Variants in CYP2C19 observed in about 807,000 individuals in gnomAD.
CYP2C19 encodes cytochrome P450 family 2 subfamily C member 19.
A neutral mutation model predicts 40.9 loss-of-function variants in CYP2C19; 59 were observed. The ratio of observed to expected loss-of-function variants is 1.44; its 90% CI spans 1.17 to 1.79. The LOEUF (loss-of-function observed/expected upper bound fraction) is 1.79, where lower values mean the gene tolerates loss of function less well. Among genes scored for constraint, CYP2C19 ranks in the 40% most tolerant of loss-of-function variants. The pLI is 0.00. For missense variants in CYP2C19, 754 were observed against 596.9 expected, an observed-to-expected ratio of 1.26 and a Z score of -2.74; for synonymous variants, 253 against 208.7, an observed-to-expected ratio of 1.21 and a Z score of -1.83.
At chr10:94,827,201 C>G (rs923879907) in intron 6 of CYP2C19, among the ~76,000 whole-genome samples, 17 of 151,832 alleles carry the variant, frequency 1.1e-4, no homozygotes, top group Non-Finnish European at 1.8e-4. Flanking sequence ...AGGATTCCCT[C>G]TTTTTCTATT....
chr10:94,770,493 C>T (rs1848313520), intron 1 of CYP2C19, among the ~76,000 whole-genome samples: 2 of 152,050 alleles, frequency 1.3e-5, no homozygotes, highest in South Asian at 4.1e-4. Flanking sequence ...TCCTTTTGGG[C>T]CTGTTCCTCT....
chr10:94,846,150 C>T (rs554195008), intron 7 of CYP2C19, among the ~76,000 whole-genome samples: 5 of 152,036 alleles, frequency 3.3e-5, no homozygotes, highest in Non-Finnish European at 5.9e-5. Flanking sequence ...AAGAAACAGG[C>T]ACATAATTCG....
At chr10:94,828,405 T>C (rs533904071) in intron 6 of CYP2C19, among the ~76,000 whole-genome samples, 130 of 150,808 alleles carry the variant, frequency 8.6e-4, no homozygotes, top group Admixed American at 2.3e-3. Flanking sequence ...TTGATCCCTT[T>C]ACCATTATGT....
At chr10:94,835,759 A>G (rs1268744743) in intron 6 of CYP2C19, among the ~76,000 whole-genome samples, 1 of 152,058 alleles carries the variant, frequency 6.6e-6, no homozygotes, top group East Asian at 1.9e-4. Flanking sequence ...AGGTAAGCAT[A>G]CTTAGATCTG....
At chr10:94,824,800 TC>T (rs1341977594) in intron 6 of CYP2C19, among the ~76,000 whole-genome samples, 1 of 89,142 alleles carries the variant, frequency 1.1e-5, no homozygotes, top group African/African-American at 4.4e-5. Flanking sequence ...ATGCTATCCC[TC>T]CCCCCTCCCC....
intron 3 of CYP2C19, chr10:94,775,789 C>T (rs1848400079): frequency 1.8e-6 from 1 of 565,578 alleles, no homozygotes; most frequent in East Asian, 3.0e-5. Flanking sequence ...AACTTTGCTT[C>T]TTTGTTTTCA....
intron 5 of CYP2C19, among the ~76,000 whole-genome samples, chr10:94,795,470 G>A (rs1435440983): frequency 6.6e-6 from 1 of 152,048 alleles, no homozygotes; most frequent in Admixed American, 6.5e-5. Context: ...ATGTACATGT[G>A]CATGTGTCTT....
chr10:94,836,996 A>T (rs917060593), intron 6 of CYP2C19, among the ~76,000 whole-genome samples: 5 of 152,170 alleles, frequency 3.3e-5, no homozygotes, highest in Admixed American at 2.6e-4. Flanking sequence ...TGGGTTTCAA[A>T]GATCTTCAAA....
intron 8 of CYP2C19, among the ~76,000 whole-genome samples, chr10:94,851,994 C>T (rs920268949): frequency 6.6e-6 from 1 of 152,158 alleles, no homozygotes; most frequent in Non-Finnish European, 1.5e-5. Flanking sequence ...AAAATTTGAC[C>T]TATGTCCTGA....
In CYP2C19 at chr10:94,814,104, T is replaced by A. The variant is rs371404490; in HGVS notation, c.820-6392T>A. On this transcript the variant is annotated intron_variant, in intron 5 of 8. Coordinates refer to ENST00000371321, the MANE Select transcript of CYP2C19 (RefSeq NM_000769.4). ...CCTCCCTGCTTCAGTTTAGCCTCCATGCACTGCACCTACTGTCTAAACATT... is the reference window on the plus strand; with the variant it reads ...CCTCCCTGCTTCAGTTTAGCCTCCAAGCACTGCACCTACTGTCTAAACATT... Among the ~76,000 whole-genome samples the A allele has an allele frequency of 2.4e-3, 369 of 151,384 alleles. 2 individuals are homozygous for A. Among genetic ancestry groups the A allele is most frequent in the African/African-American group, 7.8e-3 (322 of 41,228 alleles).
intron 5 of CYP2C19, among the ~76,000 whole-genome samples, chr10:94,790,320 A>G (rs9663112): frequency 1.3e-5 from 2 of 152,026 alleles, no homozygotes; most frequent in African/African-American, 4.8e-5. Flanking sequence ...CTCTTTTCCT[A>G]ATTGAATACC....
At chr10:94,829,973 C>T (rs1170024957) in intron 6 of CYP2C19, among the ~76,000 whole-genome samples, 1 of 152,232 alleles carries the variant, frequency 6.6e-6, no homozygotes, top group East Asian at 1.9e-4. Context: ...GCTCAGGGGT[C>T]AGGGGTCAGG....
chr10:94,819,175 T>C (rs1849069326), intron 5 of CYP2C19, among the ~76,000 whole-genome samples: 3 of 147,196 alleles, frequency 2.0e-5, no homozygotes, highest in Non-Finnish European at 4.5e-5. Context: ...GAAATAAAGA[T>C]GTTCTTTGAA....
chr10:94,820,580 A>T lies in CYP2C19; in HGVS notation c.904A>T (p.Thr302Ser). The change falls in exon 6 of 9, where the codon ACA becomes TCA. Residue 302 changes from threonine to serine, a missense_variant. Coordinates refer to ENST00000371321, the MANE Select transcript of CYP2C19 (RefSeq NM_000769.4). ...CTTACTTGGAGCTGGGACAGAGACAACAAGCACAACCCTGAGATATGCTCT... is the reference window on the plus strand; with the variant it reads ...CTTACTTGGAGCTGGGACAGAGACATCAAGCACAACCCTGAGATATGCTCT... ...ADLLGAGTET[T>S]STTLRYALLL... The T allele has an allele frequency of 6.2e-7, 1 of 1,614,234 alleles. No individual in the cohort carries two copies. Among genetic ancestry groups the T allele is most frequent in the South Asian group, 1.1e-5 (1 of 91,084 alleles).
At chr10:94,840,847 C>A (rs1849484079) in intron 6 of CYP2C19, among the ~76,000 whole-genome samples, 1 of 152,214 alleles carries the variant, frequency 6.6e-6, no homozygotes, top group Non-Finnish European at 1.5e-5. Context: ...CCCAGATAAC[C>A]TTACACCTGA....
At chr10:94,776,326 A>C (rs1296128827) in intron 3 of CYP2C19, 1 of 152,144 alleles carries the variant, frequency 6.6e-6, no homozygotes, top group Non-Finnish European at 1.5e-5. Flanking sequence ...CATTTTGCTT[A>C]TCTCTTTCCA....
intron 5 of CYP2C19, among the ~76,000 whole-genome samples, chr10:94,794,789 T>G (rs1199461112): frequency 3.3e-5 from 5 of 152,070 alleles, no homozygotes; most frequent in Non-Finnish European, 7.4e-5. Flanking sequence ...CTTATCAGCT[T>G]AAGGAGATTT....
At chr10:94,785,442 T>C (rs1848528960) in intron 5 of CYP2C19, among the ~76,000 whole-genome samples, 1 of 152,172 alleles carries the variant, frequency 6.6e-6, no homozygotes, top group African/African-American at 2.4e-5. Flanking sequence ...CTGAATGGTC[T>C]AGGCACCCTT....
At chr10:94,816,092 A>AT (rs34737722) in intron 5 of CYP2C19, among the ~76,000 whole-genome samples, 174 of 151,696 alleles carry the variant, frequency 1.1e-3, no homozygotes, top group Middle Eastern at 3.4e-3. Flanking sequence ...CTGCTTATAT[A>AT]TTTTTTTTGC....
Sources: gnomAD v4.1 joint callset for allele counts (sites outside exome capture counted in the v4.1 genomes callset) on GRCh38, gnomAD v4.1.1 for gene constraint, MANE v1.5 for transcripts, NCBI Gene and HGNC (gene_info 2026-07-23, HGNC 2026-07-21) for gene names.